The following ACVR1B variants were observed in gnomAD, a reference collection of about 807,000 sequenced individuals.
ACVR1B encodes activin A receptor type 1B, also known as activin receptor type-1B.
Under a neutral mutation model 55.6 loss-of-function variants are expected in ACVR1B, and 15 were observed. That is an observed-to-expected ratio of 0.27 (90% confidence interval 0.18 to 0.42). ACVR1B has a LOEUF of 0.42. Among genes scored for constraint, ACVR1B ranks in the 10% least tolerant of loss-of-function variants. ACVR1B has a pLI of 1.00. For synonymous variants in ACVR1B, 247 were observed against 254.6 expected (o/e 0.97, Z 0.28); for missense variants, 359 against 670.1 (o/e 0.54, Z 5.13).
chr12:51,984,402 G>A (rs1942040422), intron 5 of ACVR1B, among the ~76,000 whole-genome samples: 1 of 152,144 alleles, frequency 6.6e-6, no homozygotes, highest in African/African-American at 2.4e-5. Context: ...TCAATATTCA[G>A]CTACTTGTCA....
At chr12:51,975,163 T>C in intron 1 of ACVR1B, 102 bp from the exon 2 acceptor site, 6 of 1,495,968 alleles carry the variant, frequency 4.0e-6, no homozygotes, top group Non-Finnish European at 5.4e-6. Context: ...AAAAACTGTT[T>C]TGGAACATCA....
chr12:51,978,829 C>CAAA (rs34088542), intron 3 of ACVR1B, among the ~76,000 whole-genome samples: 1,296 of 48,234 alleles, frequency 0.027, 18 homozygotes, highest in Non-Finnish European at 0.038. Flanking sequence ...GACTCCGTCT[C>CAAA]AAAAAAAAAA....
At chr12:51,978,319 G>A (rs1941908200) in intron 3 of ACVR1B, among the ~76,000 whole-genome samples, 1 of 152,140 alleles carries the variant, frequency 6.6e-6, no homozygotes, top group Non-Finnish European at 1.5e-5. Context: ...GGCCATGGTA[G>A]TTGTTTAGTC....
At chr12:51,982,891 C>G (rs1294180552) in intron 4 of ACVR1B, 2 of 1,340,912 alleles carry the variant, frequency 1.5e-6, no homozygotes, top group Admixed American at 3.2e-5. Flanking sequence ...CATGTCTTCT[C>G]TTTGAACTTG....
chr12:51,967,394 A>G (rs899712614), intron 1 of ACVR1B, among the ~76,000 whole-genome samples: 3 of 151,614 alleles, frequency 2.0e-5, no homozygotes, highest in African/African-American at 7.3e-5. Flanking sequence ...CCCCGTCTCT[A>G]CTAAAAATAC....
chr12:51,966,821 G>A (rs1941650170), intron 1 of ACVR1B, among the ~76,000 whole-genome samples: 1 of 152,174 alleles, frequency 6.6e-6, no homozygotes, highest in African/African-American at 2.4e-5. Flanking sequence ...CTGGATATTT[G>A]ATTATATTAA....
rs995489014 is a variant in ACVR1B at position 51,954,413 on chromosome 12, A to G, written c.91+2579A>G. ...ATTCATTTCTCAAGACAAAAGCAACAAGAGAGATATTTGACATTCTCATAG... is the reference window on the plus strand; with the variant it reads ...ATTCATTTCTCAAGACAAAAGCAACGAGAGAGATATTTGACATTCTCATAG... On this transcript the variant is annotated intron_variant, in intron 1 of 8. Coordinates refer to ENST00000257963, the MANE Select transcript of ACVR1B (RefSeq NM_004302.5). 6.6e-5 allele frequency among the ~76,000 whole-genome samples: 10 copies of G among 152,340 alleles called. No individual in the cohort carries two copies. In the East Asian group the frequency reaches 1.9e-3, roughly 29 times the overall value.
At chr12:51,952,410 T>C (rs1941318158) in intron 1 of ACVR1B, among the ~76,000 whole-genome samples, 2 of 152,172 alleles carry the variant, frequency 1.3e-5, no homozygotes, top group South Asian at 2.1e-4. Context: ...GCCTCCCTAA[T>C]GTTCTGGGAA....
intron 1 of ACVR1B, among the ~76,000 whole-genome samples, chr12:51,962,910 G>C (rs989933615): frequency 6.6e-6 from 1 of 152,166 alleles, no homozygotes; most frequent in African/African-American, 2.4e-5. Flanking sequence ...TATTTGCCAG[G>C]TGCTGTACTA....
intron 8 of ACVR1B, 23 bp from the exon 9 acceptor site, chr12:51,993,962 A>T: frequency 1.9e-6 from 3 of 1,613,168 alleles, no homozygotes; most frequent in Non-Finnish European, 2.5e-6. Flanking sequence ...GACCGAGCTG[A>T]TGGCTCCTGG....
At chr12:51,982,791 G>C in intron 4 of ACVR1B, 1 of 1,527,900 alleles carries the variant, frequency 6.5e-7, no homozygotes, top group South Asian at 1.2e-5. Context: ...GGAAGAGCAA[G>C]ATTTTTATTC....
intron 1 of ACVR1B, among the ~76,000 whole-genome samples, chr12:51,968,813 A>AT (rs772287149): frequency 3.3e-5 from 5 of 152,164 alleles, no homozygotes; most frequent in East Asian, 3.8e-4. Flanking sequence ...AAAATCCAAA[A>AT]TTTTTTTAGC....
chr12:51,987,063 C>T (rs766588148), intron 7 of ACVR1B, 121 bp downstream of exon 7: 37 of 1,387,762 alleles, frequency 2.7e-5, no homozygotes, highest in East Asian at 1.1e-4. Flanking sequence ...GAGCCTGAAT[C>T]ATCGTTTAAG....
intron 4 of ACVR1B, among the ~76,000 whole-genome samples, chr12:51,983,795 G>A (rs549987170): frequency 6.6e-6 from 1 of 152,314 alleles, no homozygotes; most frequent in South Asian, 2.1e-4. Context: ...AAGAAATGGT[G>A]TTCCCCTGTC....
chr12:51,975,321 G>A lies in ACVR1B; in HGVS notation c.148G>A (p.Gly50Arg), dbSNP rs2120597616. 1 of 1,614,064 alleles carries A rather than the reference G, an allele frequency of 6.2e-7. No individual in the cohort carries two copies. Among genetic ancestry groups the A allele is most frequent in the Non-Finnish European group, 8.5e-7 (1 of 1,180,048 alleles). ...GGCCAACTACACGTGTGAGACAGAT[G>A]GGGCCTGCATGGTTTCCATTTTCAA... ...LQANYTCETD[G>R]ACMVSIFNLD... The change falls in exon 2 of 9, where the codon GGG becomes AGG. Residue 50 changes from glycine to arginine, a missense_variant. By Grantham distance (125) the Gly-to-Arg change is moderately radical. Coordinates refer to ENST00000257963, the MANE Select transcript of ACVR1B (RefSeq NM_004302.5).
Position 51,995,581 on chromosome 12 carries a change from G to A in ACVR1B, c.*1471G>A, listed in dbSNP as rs1166180599. On this transcript the variant is annotated 3_prime_UTR_variant, in exon 9 of 9. Transcript: ENST00000257963. ...TGATTTCTTTTTTTAATTTTATTGG[G>A]AGGGTTTGGATTTTAACTTTTTTTA... The A allele has an allele frequency of 6.6e-6, 1 of 152,356 alleles. No individual in the cohort carries two copies. Among genetic ancestry groups the A allele is most frequent in the Non-Finnish European group, 1.5e-5 (1 of 67,994 alleles). The allele number at this position is 152,356 out of a possible 1,614,324, so 9.4% of individuals were successfully genotyped here.
chr12:51,990,521 G>T (rs1473268840), intron 7 of ACVR1B, among the ~76,000 whole-genome samples: 1 of 151,810 alleles, frequency 6.6e-6, no homozygotes, highest in African/African-American at 2.4e-5. Flanking sequence ...TTGCCATGTT[G>T]CCCAGGCTGG....
intron 1 of ACVR1B, chr12:51,959,976 A>G (rs944939552): frequency 6.7e-6 from 1 of 149,612 alleles, no homozygotes; most frequent in Non-Finnish European, 1.5e-5. Flanking sequence ...TTGCTTTGGT[A>G]TATGTTTGCA....
rs571764018 is a variant in ACVR1B, at chr12:51,990,469, C to T, written c.1262-1394C>T. 6.6e-5 allele frequency among the ~76,000 whole-genome samples: 10 copies of T among 151,946 alleles called. No homozygotes were observed. In the South Asian group the frequency reaches 2.1e-3, roughly 32 times the overall value. On this transcript the variant is annotated intron_variant, in intron 7 of 8. Transcript: ENST00000257963. ...TAGCTTGGGACTACAGGTGCACCAC[C>T]ATGCCCTACTAATTTTTGTATTTTT...
Sources: gnomAD v4.1 joint callset for allele counts (sites outside exome capture counted in the v4.1 genomes callset) on GRCh38, gnomAD v4.1.1 for gene constraint, MANE v1.5 for transcripts, NCBI Gene and HGNC (gene_info 2026-07-23, HGNC 2026-07-21) for gene names.